The following AIG1 variants were observed in gnomAD, a reference collection of about 807,000 sequenced individuals.
AIG1 encodes the protein androgen induced 1.
AIG1 carries 23 observed loss-of-function variants against 31.4 expected under a neutral mutation model. The observed-to-expected ratio is 0.73, with a 90% CI of 0.53 to 1.04. The LOEUF (loss-of-function observed/expected upper bound fraction) is 1.04. Among genes scored for constraint, AIG1 ranks in the 50% least tolerant of loss-of-function variants. The pLI, the probability that AIG1 is intolerant of heterozygous loss-of-function variation, is 0.00. For missense variants in AIG1, 274 were observed against 295.0 expected, an observed-to-expected ratio of 0.93 and a Z score of 0.52; for synonymous variants, 100 against 110.5, an observed-to-expected ratio of 0.90 and a Z score of 0.60.
chr6:143,109,913 A>G (rs1291457188), intron 1 of AIG1, among the ~76,000 whole-genome samples: 1 of 152,052 alleles, frequency 6.6e-6, no homozygotes, highest in Non-Finnish European at 1.5e-5. Context: ...CTATTATTGC[A>G]TTGTTGTTTT....
intron 3 of AIG1, among the ~76,000 whole-genome samples, chr6:143,184,942 A>G (rs1789096729): frequency 6.6e-6 from 1 of 152,212 alleles, no homozygotes; most frequent in Non-Finnish European, 1.5e-5. Flanking sequence ...TCACGCCTGT[A>G]GTCCCAGTAC....
intron 1 of AIG1, chr6:143,099,350 G>A (rs962502715): frequency 9.9e-5 from 15 of 152,274 alleles, no homozygotes; most frequent in African/African-American, 3.6e-4. Flanking sequence ...GCTATGCTCT[G>A]TTCCCTAGAG....
At chr6:143,197,177 C>CTT (rs76014278) in intron 3 of AIG1, among the ~76,000 whole-genome samples, 1 of 141,986 alleles carries the variant, frequency 7.0e-6, no homozygotes, top group African/African-American at 2.6e-5. Flanking sequence ...CACAAAAGTG[C>CTT]TTTTTTTTTT....
chr6:143,304,662 A>C (rs986267426), intron 4 of AIG1, among the ~76,000 whole-genome samples: 2 of 151,466 alleles, frequency 1.3e-5, no homozygotes, highest in Admixed American at 6.6e-5. Context: ...ATCAATGTTC[A>C]TCAAGGATAT....
intron 3 of AIG1, chr6:143,188,760 A>T (rs1453815006): frequency 1.0e-6 from 1 of 985,314 alleles, no homozygotes; most frequent in Non-Finnish European, 1.2e-6. Flanking sequence ...TAATCTCCAC[A>T]AAGTAATCCT....
At chr6:143,307,322 T>C (rs1017172663) in intron 4 of AIG1, among the ~76,000 whole-genome samples, 1 of 152,192 alleles carries the variant, frequency 6.6e-6, no homozygotes, top group Non-Finnish European at 1.5e-5. Context: ...TTCCCCATCT[T>C]TGTGGTTTTA....
intron 4 of AIG1, among the ~76,000 whole-genome samples, chr6:143,314,901 C>T (rs1050704079): frequency 6.6e-6 from 1 of 152,054 alleles, no homozygotes; most frequent in Non-Finnish European, 1.5e-5. Flanking sequence ...TATTTCTAAA[C>T]AAAACTAACA....
chr6:143,271,225 A>T (rs1000478367), intron 3 of AIG1, among the ~76,000 whole-genome samples: 23 of 152,236 alleles, frequency 1.5e-4, no homozygotes, highest in African/African-American at 5.5e-4. Flanking sequence ...GCTCCAGAGC[A>T]CCATCTCAGC....
chr6:143,136,488 CAT>C (rs964711521), intron 1 of AIG1, among the ~76,000 whole-genome samples: 45 of 152,136 alleles, frequency 3.0e-4, no homozygotes, highest in African/African-American at 1.1e-3. Context: ...TTAGACATGA[CAT>C]AGAAGAAACC....
At chr6:143,254,771 G>T (rs1054190882) in intron 3 of AIG1, among the ~76,000 whole-genome samples, 1 of 152,134 alleles carries the variant, frequency 6.6e-6, no homozygotes, top group Non-Finnish European at 1.5e-5. Context: ...CCTAGCAAGC[G>T]TGGTGGCCAA....
chr6:143,234,781 C>T (rs1365372608), intron 3 of AIG1, among the ~76,000 whole-genome samples: 1 of 152,088 alleles, frequency 6.6e-6, no homozygotes, highest in Non-Finnish European at 1.5e-5. Context: ...TAAACCAACA[C>T]CATTGATAAT....
chr6:143,342,746 C>T (rs1005947548), downstream of AIG1: 19 of 852,096 alleles, frequency 2.2e-5, no homozygotes, highest in Middle Eastern at 2.5e-4. Flanking sequence ...TGATGGCCAG[C>T]GGACTCAGGT....
In AIG1 at chr6:143,330,376, C is replaced by T. The variant is rs941019906; in HGVS notation, c.516-2906C>T. ...GAAAGGTGACATTTGAGTGAAAACC[C>T]GAAGGACACAAGGGAGCCCAAGGGG... On this transcript the variant is annotated intron_variant, in intron 4 of 5. Coordinates refer to ENST00000357847, the MANE Select transcript of AIG1 (RefSeq NM_016108.4). This position sits in a 1 kb window ranked among gnomAD's most constrained non-coding sequence, Gnocchi z 4.4. 1.3e-5 allele frequency among the ~76,000 whole-genome samples: 2 copies of T among 151,974 alleles called. No homozygotes were observed. Among genetic ancestry groups the T allele is most frequent in the African/African-American group, 2.4e-5 (1 of 41,368 alleles).
rs1053665553 is a variant in AIG1, at chr6:143,178,236, A to G, written c.399+13053A>G. ...TGCACAGCTGCTATCATGACTCTGC[A>G]TCCCTCTGGGTGGATGTGGTGGGAT... On this transcript the variant is annotated intron_variant, in intron 3 of 5. Transcript: ENST00000357847. Among the ~76,000 whole-genome samples the G allele has an allele frequency of 2.0e-5, 3 of 152,288 alleles. No homozygotes were observed. In the South Asian group the frequency reaches 6.2e-4, roughly 32 times the overall value.
Position 143,108,399 on chromosome 6 carries a change from G to T in AIG1, c.142-28436G>T, listed in dbSNP as rs893758297. Among the ~76,000 whole-genome samples the T allele has an allele frequency of 2.6e-5, 4 of 152,140 alleles. No homozygotes were observed. In the East Asian group the frequency reaches 7.7e-4, roughly 29 times the overall value. ...TGGAAAACATCTCCTGACCACGATG[G>T]TCAAATGTTTGTGGTGTCTATTTGA... On this transcript the variant is annotated intron_variant, in intron 1 of 5. Transcript: ENST00000357847.
chr6:143,277,193 T>G (rs557592382), intron 3 of AIG1, among the ~76,000 whole-genome samples: 6 of 152,218 alleles, frequency 3.9e-5, no homozygotes, highest in Non-Finnish European at 8.8e-5. Context: ...AAAAATGTTC[T>G]CATTTTTAAT....
At chr6:143,165,701 C>G (rs188758463) in intron 3 of AIG1, among the ~76,000 whole-genome samples, 14 of 152,306 alleles carry the variant, frequency 9.2e-5, no homozygotes, top group African/African-American at 2.4e-4. Flanking sequence ...GAATTGTTTG[C>G]CTCGTAGGGT....
chr6:143,267,975 A>G (rs1796266296), intron 3 of AIG1, among the ~76,000 whole-genome samples: 2 of 152,206 alleles, frequency 1.3e-5, no homozygotes, highest in African/African-American at 4.8e-5. Flanking sequence ...ATTAGGCTGC[A>G]GAGGCTGATG....
chr6:143,303,473 T>G (rs552235563), intron 4 of AIG1, among the ~76,000 whole-genome samples: 2 of 152,346 alleles, frequency 1.3e-5, no homozygotes, highest in East Asian at 3.9e-4. Flanking sequence ...CACCATTTAT[T>G]AAATAGGGAA....
Sources: gnomAD v4.1 joint callset for allele counts (sites outside exome capture counted in the v4.1 genomes callset) on GRCh38, gnomAD v4.1.1 for gene constraint, Gnocchi (gnomAD v3.1) non-coding constraint, MANE v1.5 for transcripts, NCBI Gene and HGNC (gene_info 2026-07-23, HGNC 2026-07-21) for gene names.